The following UNC80 variants were observed in gnomAD, a reference collection of about 807,000 sequenced individuals.
UNC80 encodes unc-80 subunit of NALCN channel complex, also known as protein unc-80 homolog.
In UNC80, 164 loss-of-function variants were observed where a neutral mutation model predicts 384.6. The observed-to-expected ratio is 0.43, with a 90% CI of 0.38 to 0.49. UNC80 has a LOEUF of 0.49. Among genes scored for constraint, UNC80 ranks in the 20% least tolerant of loss-of-function variants. UNC80 has a pLI of 0.00. For missense variants in UNC80, 3,330 were observed against 4,143.0 expected (o/e 0.80, Z 5.39); for synonymous variants, 1,486 against 1,527.8 (o/e 0.97, Z 0.64).
intron 35 of UNC80, among the ~76,000 whole-genome samples, chr2:209,923,905 T>C (rs2090233734): frequency 6.6e-6 from 1 of 152,192 alleles, no homozygotes; most frequent in South Asian, 2.1e-4. Flanking sequence ...TTTACATTTA[T>C]TGCAGTTTTG....
At chr2:209,955,272 C>G (rs1383822576) in intron 48 of UNC80, among the ~76,000 whole-genome samples, 1 of 152,046 alleles carries the variant, frequency 6.6e-6, no homozygotes, top group Non-Finnish European at 1.5e-5. Context: ...AAGGGGGAAG[C>G]CCTTTAGTCC....
intron 22 of UNC80, among the ~76,000 whole-genome samples, chr2:209,851,648 A>G (rs927899902): frequency 1.3e-5 from 2 of 152,048 alleles, no homozygotes; most frequent in African/African-American, 4.8e-5. Context: ...TTGTGTTTGT[A>G]TAGTGATTTT....
At chr2:209,776,652 A>G (rs1452976812) in intron 3 of UNC80, among the ~76,000 whole-genome samples, 1 of 152,240 alleles carries the variant, frequency 6.6e-6, no homozygotes, top group Non-Finnish European at 1.5e-5. Context: ...CACCTGCCCA[A>G]GATGAGTCCT....
intron 7 of UNC80, chr2:209,809,204 C>T (rs2079151179): frequency 1.5e-6 from 1 of 671,738 alleles, no homozygotes; most frequent in South Asian, 1.7e-5. Flanking sequence ...AAGCAGCTGG[C>T]CCAGGTCTCT....
At chr2:209,805,760 ATAAC>A (rs1559119413) in intron 7 of UNC80, among the ~76,000 whole-genome samples, 2 of 152,264 alleles carry the variant, frequency 1.3e-5, no homozygotes, top group African/African-American at 4.8e-5. Context: ...CTAATCTTTT[ATAAC>A]CTAATCTTTT....
At position 209,890,493 on chromosome 2, in the gene UNC80, C is replaced by G. The variant is rs2086228421; in HGVS notation, c.4276+2233C>G. Among the ~76,000 whole-genome samples the G allele has an allele frequency of 2.0e-5, 3 of 152,158 alleles. No individual in the cohort carries two copies. In the South Asian group the frequency reaches 6.2e-4, roughly 32 times the overall value. ...CTGGTGCTTTACATTTTCACACAGA[C>G]AAGCAATAACAAAGGTGTCACAACT... On this transcript the variant is annotated intron_variant, in intron 26 of 64. Transcript: ENST00000673920.
intron 59 of UNC80, among the ~76,000 whole-genome samples, chr2:209,979,014 C>T (rs956255650): frequency 1.3e-5 from 2 of 152,110 alleles, no homozygotes; most frequent in East Asian, 1.9e-4. Flanking sequence ...TTTGGGAGGC[C>T]GAGGCGGGTG....
chr2:209,883,426 C>CTTTTTT (rs35807077), intron 25 of UNC80, among the ~76,000 whole-genome samples: 12 of 100,528 alleles, frequency 1.2e-4, no homozygotes, highest in Admixed American at 2.3e-4. Flanking sequence ...CCATTCCACT[C>CTTTTTT]TTTTTTTTTT....
chr2:209,825,062 C>T (rs1037902907), intron 13 of UNC80, among the ~76,000 whole-genome samples: 10 of 152,126 alleles, frequency 6.6e-5, no homozygotes, highest in Non-Finnish European at 1.5e-4. Context: ...AAGGAACAGA[C>T]ACTGGAATCC....
At chr2:209,946,648 T>C (rs1165827092) in intron 47 of UNC80, among the ~76,000 whole-genome samples, 2 of 152,286 alleles carry the variant, frequency 1.3e-5, no homozygotes, top group African/African-American at 4.8e-5. Flanking sequence ...GGCAAGAATA[T>C]CAATCTTGCC....
chr2:209,967,657 A>G lies in UNC80; in HGVS notation c.8006+20A>G, dbSNP rs1222352894. ...TTTGAGGTGAGAATGCCTCCGAGTT[A>G]GCTGTTGCTATCACAAATGTCAAAG... is the stretch of plus-strand genomic sequence containing the variant. On this transcript the variant is annotated intron_variant, in intron 52 of 64. Transcript: ENST00000673920. 6.5e-7 allele frequency: 1 copy of G among 1,547,256 alleles called. No homozygotes were observed. Among genetic ancestry groups the G allele is most frequent in the Admixed American group, 2.0e-5 (1 of 50,916 alleles).
chr2:209,809,414 GT>G, intron 7 of UNC80: 1 of 1,409,644 alleles, frequency 7.1e-7, no homozygotes, highest in Non-Finnish European at 1.0e-6. Context: ...CCCTTCTCCT[GT>G]ACCCACTGCA....
chr2:209,959,205 A>G lies in UNC80; in HGVS notation c.7586+51A>G, dbSNP rs973067599. ...ATACCAGTTCTGACATCTTGAGATGATTGCCTTTTAAGCTGGTTTATGGCT... is the reference window on the plus strand; with the variant it reads ...ATACCAGTTCTGACATCTTGAGATGGTTGCCTTTTAAGCTGGTTTATGGCT... On this transcript the variant is annotated intron_variant, in intron 50 of 64. Coordinates refer to ENST00000673920, the MANE Select transcript of UNC80 (RefSeq NM_001371986.1). 3 of 1,534,150 alleles carry G rather than the reference A, an allele frequency of 2.0e-6. No homozygotes were observed. The African/African-American group carries it at 4.1e-5, about 21-fold the overall frequency.
intron 59 of UNC80, among the ~76,000 whole-genome samples, chr2:209,980,955 C>T (rs2093142482): frequency 1.3e-5 from 2 of 152,028 alleles, no homozygotes; most frequent in Non-Finnish European, 2.9e-5. Context: ...TGTTTATTCT[C>T]TTTCCTGTGG....
chr2:209,821,368 T>A (rs976284345), intron 13 of UNC80, among the ~76,000 whole-genome samples: 1 of 152,216 alleles, frequency 6.6e-6, no homozygotes, highest in South Asian at 2.1e-4. Context: ...TACCATCGGA[T>A]TGAGGGATTA....
At chr2:209,959,307 G>A (rs1053157250) in intron 50 of UNC80, among the ~76,000 whole-genome samples, 153 bp downstream of exon 50, 2 of 152,208 alleles carry the variant, frequency 1.3e-5, no homozygotes, top group Non-Finnish European at 2.9e-5. Context: ...AGTTTGGGAT[G>A]ACAGTCTCTT....
intron 42 of UNC80, 95 bp downstream of exon 42, chr2:209,937,725 AT>A (rs1281363235): frequency 6.6e-6 from 6 of 915,876 alleles, no homozygotes; most frequent in Middle Eastern, 2.1e-4. Flanking sequence ...TTATGATTCC[AT>A]TTTGACCCTC....
At chr2:209,809,727 G>A in intron 7 of UNC80, 4 of 471,526 alleles carry the variant, frequency 8.5e-6, no homozygotes, top group South Asian at 3.7e-5. Flanking sequence ...TGCATCAGCC[G>A]CACGGGACTT....
chr2:209,879,446 G>A (rs2085081739), intron 24 of UNC80, among the ~76,000 whole-genome samples: 1 of 152,090 alleles, frequency 6.6e-6, no homozygotes, highest in Non-Finnish European at 1.5e-5. Flanking sequence ...TTGAGACTAG[G>A]TAGAACTCAA....
Sources: allele counts gnomAD v4.1 joint callset (sites outside exome capture counted in the v4.1 genomes callset), GRCh38; gene constraint gnomAD v4.1.1; transcripts MANE v1.5; gene names NCBI Gene and HGNC (gene_info 2026-07-23, HGNC 2026-07-21).